GALNT17: variants seen among roughly 807,000 people sequenced by gnomAD.
GALNT17 encodes polypeptide N-acetylgalactosaminyltransferase 17, also known as UDP-GalNAc:polypeptide N-acetylgalactosaminyltransferase-like 3.
A neutral mutation model predicts 63.7 loss-of-function variants in GALNT17; 29 were observed. The observed-to-expected ratio is 0.46, with a 90% CI of 0.34 to 0.62. The LOEUF is 0.62. GALNT17 is among the 20% of genes least tolerant of loss of function. The pLI is 0.01. For missense variants in GALNT17, 603 were observed against 799.6 expected (o/e 0.75, Z 2.97); for synonymous variants, 305 against 318.3 (o/e 0.96, Z 0.45).
chr7:71,675,226 A>G (rs1467223987), intron 8 of GALNT17, among the ~76,000 whole-genome samples: 1 of 152,134 alleles, frequency 6.6e-6, no homozygotes, highest in Non-Finnish European at 1.5e-5. Context: ...TGGCCCTAGC[A>G]TATTTCAAAC....
chr7:71,662,100 G>C (rs1327841586), intron 6 of GALNT17, among the ~76,000 whole-genome samples: 3 of 152,124 alleles, frequency 2.0e-5, no homozygotes, highest in Admixed American at 2.0e-4. Flanking sequence ...ATGGCTTGTG[G>C]AGGACATAGT....
At chr7:71,681,919 TTTTG>T (rs934785765) in intron 9 of GALNT17, among the ~76,000 whole-genome samples, 34 of 152,088 alleles carry the variant, frequency 2.2e-4, no homozygotes, top group African/African-American at 5.8e-4. Context: ...TTTGTTTTGT[TTTTG>T]TTTGTTTGTT....
chr7:71,185,830 T>C (rs1191854633), intron 1 of GALNT17, among the ~76,000 whole-genome samples: 1 of 152,186 alleles, frequency 6.6e-6, no homozygotes, highest in Non-Finnish European at 1.5e-5. Context: ...TTTCTACAAC[T>C]CCATTTCCCT....
intron 9 of GALNT17, among the ~76,000 whole-genome samples, chr7:71,689,385 A>G (rs1791408971): frequency 6.6e-6 from 1 of 152,230 alleles, no homozygotes; most frequent in Non-Finnish European, 1.5e-5. Flanking sequence ...ACTCCAGTGA[A>G]CACACGAATG....
rs189952192 is a variant in GALNT17 at position 71,257,156 on chromosome 7, C to G, written c.239-78394C>G. Among the ~76,000 whole-genome samples the G allele has an allele frequency of 6.4e-4, 98 of 152,278 alleles. 2 individuals carry two copies. The East Asian group carries it at 0.014, about 22-fold the overall frequency. On this transcript the variant is annotated intron_variant, in intron 1 of 10. Coordinates refer to ENST00000333538, the MANE Select transcript of GALNT17 (RefSeq NM_022479.3). ...TTAAAACCTGGCATTTTAGGGCTGT[C>G]TGAACAACTTCAATCTGTTCTTTTT...
At chr7:71,152,124 T>C (rs1200459681) in intron 1 of GALNT17, among the ~76,000 whole-genome samples, 2 of 152,294 alleles carry the variant, frequency 1.3e-5, no homozygotes, top group Middle Eastern at 3.4e-3. Context: ...CTACCCGTCT[T>C]CCTGCAATTG....
intron 1 of GALNT17, among the ~76,000 whole-genome samples, chr7:71,252,221 C>CAA (rs11366800): frequency 3.3e-5 from 4 of 121,748 alleles, no homozygotes; most frequent in African/African-American, 1.4e-4. Context: ...TCCTGAAACT[C>CAA]AAAAAAAAAA....
chr7:71,159,824 C>G (rs1334942945), intron 1 of GALNT17, among the ~76,000 whole-genome samples: 1 of 151,258 alleles, frequency 6.6e-6, no homozygotes, highest in African/African-American at 2.5e-5. Flanking sequence ...CTCTGTCACC[C>G]AGTCTGGGGT....
At chr7:71,270,580 A>C (rs1790569364) in intron 1 of GALNT17, among the ~76,000 whole-genome samples, 1 of 151,424 alleles carries the variant, frequency 6.6e-6, no homozygotes, top group African/African-American at 2.4e-5. Context: ...TTTTCTAAAC[A>C]TATATAAGGT....
At chr7:71,169,993 G>T (rs1359945084) in intron 1 of GALNT17, among the ~76,000 whole-genome samples, 1 of 151,316 alleles carries the variant, frequency 6.6e-6, no homozygotes, top group African/African-American at 2.4e-5. Flanking sequence ...TTTTAGATGG[G>T]GTCTTGCTAT....
rs117341837 is a variant in GALNT17 at position 71,707,563 on chromosome 7, C to T, written c.1501-3198C>T. ...AACAATATGCATTTTTTATTGCTCA[C>T]GAGTCTACAGGTCAGCTGGATGGTT... is the stretch of plus-strand genomic sequence containing the variant. On this transcript the variant is annotated intron_variant, in intron 9 of 10. Transcript: ENST00000333538. Among the ~76,000 whole-genome samples the T allele has an allele frequency of 7.0e-4, 106 of 152,242 alleles. 1 individual carries two copies. The East Asian group carries it at 0.018, about 26-fold the overall frequency.
At chr7:71,290,304 C>G (rs573228720) in intron 1 of GALNT17, among the ~76,000 whole-genome samples, 1 of 152,180 alleles carries the variant, frequency 6.6e-6, no homozygotes, top group Non-Finnish European at 1.5e-5. Flanking sequence ...GGGAAGACAT[C>G]TTTCGCTTTA....
intron 5 of GALNT17, among the ~76,000 whole-genome samples, chr7:71,425,284 G>A (rs1563083019): frequency 3.9e-5 from 6 of 151,924 alleles, no homozygotes; most frequent in Admixed American, 2.0e-4. Flanking sequence ...GTGCAGGGGA[G>A]CGATCTCGGC....
intron 2 of GALNT17, among the ~76,000 whole-genome samples, chr7:71,344,622 G>A (rs1046697309): frequency 7.9e-5 from 12 of 152,116 alleles, no homozygotes; most frequent in African/African-American, 2.2e-4. Context: ...ATGGAGGCTG[G>A]TAGCAGGATG....
At chr7:71,162,511 C>A (rs1269399436) in intron 1 of GALNT17, among the ~76,000 whole-genome samples, 3 of 151,960 alleles carry the variant, frequency 2.0e-5, no homozygotes, top group Non-Finnish European at 4.4e-5. Flanking sequence ...CCTTGCTCAA[C>A]AATTATTAAT....
intron 3 of GALNT17, among the ~76,000 whole-genome samples, chr7:71,394,940 A>G (rs1300814812): frequency 6.6e-6 from 1 of 152,022 alleles, no homozygotes. Flanking sequence ...TGTCTCTACT[A>G]AAAATACAAA....
chr7:71,684,271 G>A (rs1013498936), intron 9 of GALNT17, among the ~76,000 whole-genome samples: 1 of 152,120 alleles, frequency 6.6e-6, no homozygotes. Flanking sequence ...CCAGACAGCT[G>A]GTCAACCTTC....
At chr7:71,240,944 G>T (rs931593640) in intron 1 of GALNT17, among the ~76,000 whole-genome samples, 1 of 152,094 alleles carries the variant, frequency 6.6e-6, no homozygotes, top group Admixed American at 6.5e-5. Flanking sequence ...GATTACAGGT[G>T]TGAGCCACTC....
chr7:71,665,785 T>C (rs1790976428), intron 7 of GALNT17, among the ~76,000 whole-genome samples, 189 bp downstream of exon 7: 1 of 152,296 alleles, frequency 6.6e-6, no homozygotes. Flanking sequence ...GCTAGCACAA[T>C]GGAAGTCTCT....
Sources: gnomAD v4.1 joint callset for allele counts (sites outside exome capture counted in the v4.1 genomes callset) on GRCh38, gnomAD v4.1.1 for gene constraint, MANE v1.5 for transcripts, NCBI Gene and HGNC (gene_info 2026-07-23, HGNC 2026-07-21) for gene names.